Variants in DPP10 observed in about 807,000 individuals in gnomAD.
DPP10 encodes inactive dipeptidyl peptidase 10.
A neutral mutation model predicts 120.9 loss-of-function variants in DPP10; 33 were observed. The ratio of observed to expected loss-of-function variants is 0.27; its 90% confidence interval spans 0.21 to 0.37. The LOEUF (loss-of-function observed/expected upper bound fraction) is 0.37. DPP10 is among the 10% of genes least tolerant of loss of function. The probability of loss-of-function intolerance (pLI) is 1.00; values close to 1 mark genes in which losing one functional copy is unlikely to be tolerated. For missense variants in DPP10, 816 were observed against 942.8 expected, an observed-to-expected ratio of 0.87 and a Z score of 1.76; for synonymous variants, 337 against 326.1, an observed-to-expected ratio of 1.03 and a Z score of -0.36.
chr2:114,739,330 T>C (rs1350556287), intron 1 of DPP10, among the ~76,000 whole-genome samples: 3 of 152,168 alleles, frequency 2.0e-5, no homozygotes, highest in Non-Finnish European at 4.4e-5. Flanking sequence ...ATTAATTGTA[T>C]GAATGACGAC....
intron 5 of DPP10, among the ~76,000 whole-genome samples, chr2:115,538,371 T>C (rs1050049843): frequency 6.6e-6 from 1 of 151,992 alleles, no homozygotes; most frequent in South Asian, 2.1e-4. Flanking sequence ...GAAACCTATA[T>C]TATTATGTAT....
intron 5 of DPP10, among the ~76,000 whole-genome samples, chr2:115,672,504 C>A (rs1028019826): frequency 6.6e-6 from 1 of 152,088 alleles, no homozygotes; most frequent in South Asian, 2.1e-4. Flanking sequence ...TATTTTCCTA[C>A]AGATAGCCTA....
chr2:115,813,945 C>A (rs2150032786), intron 19 of DPP10, among the ~76,000 whole-genome samples: 1 of 152,302 alleles, frequency 6.6e-6, no homozygotes, highest in Admixed American at 6.5e-5. Context: ...ATCACATGCA[C>A]AACTTCCTAT....
chr2:115,294,400 T>A (rs1217158057), intron 1 of DPP10, among the ~76,000 whole-genome samples: 3 of 152,150 alleles, frequency 2.0e-5, no homozygotes, highest in African/African-American at 7.2e-5. Flanking sequence ...TCAGCTCACG[T>A]ACACAAGTAG....
At chr2:115,343,109 T>C (rs1334854006) in intron 2 of DPP10, among the ~76,000 whole-genome samples, 2 of 152,228 alleles carry the variant, frequency 1.3e-5, no homozygotes, top group Non-Finnish European at 2.9e-5. Flanking sequence ...GCCTCTTGCA[T>C]GTAAAAGGGT....
At chr2:115,197,625 G>A (rs2055379226) in intron 1 of DPP10, among the ~76,000 whole-genome samples, 1 of 152,020 alleles carries the variant, frequency 6.6e-6, no homozygotes, top group Non-Finnish European at 1.5e-5. Flanking sequence ...TTTAAGCATT[G>A]ACATCAGATT....
At chr2:115,327,863 G>T (rs1476995539) in intron 2 of DPP10, among the ~76,000 whole-genome samples, 2 of 152,036 alleles carry the variant, frequency 1.3e-5, no homozygotes, top group Non-Finnish European at 2.9e-5. Context: ...TGGCCATAAA[G>T]AATATAATGA....
At chr2:115,315,358 C>T (rs1294113169) in intron 2 of DPP10, among the ~76,000 whole-genome samples, 1 of 151,978 alleles carries the variant, frequency 6.6e-6, no homozygotes, top group African/African-American at 2.4e-5. Context: ...CTTTATTGGA[C>T]TGATGACAGC....
chr2:114,701,570 A>C (rs1700384533), intron 1 of DPP10, among the ~76,000 whole-genome samples: 1 of 152,184 alleles, frequency 6.6e-6, no homozygotes, highest in African/African-American at 2.4e-5. Flanking sequence ...GGGGAAACTG[A>C]GTTTTAAAGA....
At chr2:114,681,233 T>C (rs1414786800) in intron 1 of DPP10, among the ~76,000 whole-genome samples, 2 of 151,966 alleles carry the variant, frequency 1.3e-5, no homozygotes, top group Non-Finnish European at 2.9e-5. Context: ...TGCCATACAG[T>C]GCATAGTCCA....
intron 3 of DPP10, among the ~76,000 whole-genome samples, chr2:115,494,108 C>G (rs1461289353): frequency 6.6e-6 from 1 of 152,002 alleles, no homozygotes. Flanking sequence ...ACCACCACGG[C>G]TAATTTTTTT....
chr2:115,061,925 T>G (rs1706440621), intron 1 of DPP10, among the ~76,000 whole-genome samples: 1 of 152,166 alleles, frequency 6.6e-6, no homozygotes, highest in Non-Finnish European at 1.5e-5. Context: ...TTTAGAATAT[T>G]AAAATTTTCA....
At chr2:115,763,043 A>G (rs1313424987) in intron 12 of DPP10, among the ~76,000 whole-genome samples, 1 of 152,204 alleles carries the variant, frequency 6.6e-6, no homozygotes, top group African/African-American at 2.4e-5. Context: ...AGTTTGTGAC[A>G]TAAATGAGGC....
intron 1 of DPP10, among the ~76,000 whole-genome samples, chr2:114,524,489 A>G (rs984572426): frequency 3.9e-5 from 6 of 152,208 alleles, no homozygotes; most frequent in African/African-American, 1.4e-4. Flanking sequence ...AATCACACCC[A>G]AAATATTAGT....
intron 5 of DPP10, among the ~76,000 whole-genome samples, chr2:115,565,553 C>T (rs185954163): frequency 1.6e-4 from 25 of 152,028 alleles, no homozygotes; most frequent in Non-Finnish European, 3.2e-4. Flanking sequence ...AAAAAAAAAT[C>T]CTGGTCCTTA....
chr2:115,767,059 G>A (rs1441051543), intron 12 of DPP10, among the ~76,000 whole-genome samples: 2 of 152,176 alleles, frequency 1.3e-5, no homozygotes, highest in Admixed American at 6.6e-5. Context: ...AAGGATGTCA[G>A]ATAGAGTTGG....
rs535732184 is a variant in DPP10, at chr2:114,711,364, A to G, written c.60+268526A>G. Among the ~76,000 whole-genome samples the G allele has an allele frequency of 1.1e-4, 17 of 152,320 alleles. No individual in the cohort carries two copies. In the East Asian group the frequency reaches 3.3e-3, roughly 29 times the overall value. Reference sequence around the variant, plus strand: ...AGGATCTTTAAATAAAAGTGCAAGGAGAATGTGTTGAAGATTCAGGGGAGT... The same window carrying G: ...AGGATCTTTAAATAAAAGTGCAAGGGGAATGTGTTGAAGATTCAGGGGAGT... On this transcript the variant is annotated intron_variant, in intron 1 of 25. Transcript: ENST00000410059.
intron 1 of DPP10, among the ~76,000 whole-genome samples, chr2:115,259,529 C>T (rs2059157275): frequency 1.3e-5 from 2 of 151,650 alleles, no homozygotes; most frequent in African/African-American, 2.4e-5. Context: ...AAACACACTT[C>T]ATTTATTTGT....
At chr2:114,947,358 T>G (rs1469058187) in intron 1 of DPP10, among the ~76,000 whole-genome samples, 1 of 151,890 alleles carries the variant, frequency 6.6e-6, no homozygotes, top group Non-Finnish European at 1.5e-5. Context: ...AATACACAAT[T>G]TTTTCCATCG....
Sources: allele counts gnomAD v4.1 joint callset (sites outside exome capture counted in the v4.1 genomes callset), GRCh38; gene constraint gnomAD v4.1.1; transcripts MANE v1.5; gene names NCBI Gene and HGNC (gene_info 2026-07-23, HGNC 2026-07-21).